PFKFB1: variants seen among roughly 807,000 people sequenced by gnomAD.
PFKFB1 encodes 6-phosphofructo-2-kinase/fructose-2,6-biphosphatase 1, also known as 6-phosphofructo-2-kinase/fructose-2,6-bisphosphatase 1.
Under a neutral mutation model 46.4 loss-of-function variants are expected in PFKFB1, and 34 were observed. The observed-to-expected ratio is 0.73, with a 90% CI of 0.56 to 0.98. The LOEUF is 0.98. PFKFB1 is among the 50% of genes least tolerant of loss of function. PFKFB1 has a pLI of 0.00. For missense variants in PFKFB1, 393 were observed against 376.3 expected (o/e 1.04, Z -0.37); for synonymous variants, 119 against 133.8 (o/e 0.89, Z 0.76).
intron 1 of PFKFB1, among the ~76,000 whole-genome samples, chrX:54,981,853 G>T (rs1309183576): frequency 1.8e-5 from 2 of 111,265 alleles, no homozygotes; most frequent in African/African-American, 3.3e-5. Context: ...ACCCATTAGA[G>T]AACTGAGGCC....
At chrX:54,976,729 G>T (rs187341319) in intron 1 of PFKFB1, among the ~76,000 whole-genome samples, 51 of 111,443 alleles carry the variant, frequency 4.6e-4, no homozygotes, top group Non-Finnish European at 7.8e-4. Flanking sequence ...CTAAAAACTG[G>T]AAACAACCAA....
intron 10 of PFKFB1, among the ~76,000 whole-genome samples, chrX:54,938,284 G>C (rs1483927931): frequency 1.8e-5 from 2 of 112,181 alleles, no homozygotes; most frequent in African/African-American, 6.5e-5. Flanking sequence ...GTGCAAACTA[G>C]AAAAAGTTCC....
chrX:54,971,188 G>GT (rs1227383967), intron 1 of PFKFB1, among the ~76,000 whole-genome samples: 2 of 56,421 alleles, frequency 3.5e-5, no homozygotes, highest in Non-Finnish European at 6.5e-5. Context: ...GGGGTTGTTT[G>GT]TTTTTTTCTT....
chrX:54,954,733 C>T (rs1228444903), intron 7 of PFKFB1, among the ~76,000 whole-genome samples: 1 of 111,744 alleles, frequency 8.9e-6, no homozygotes, highest in Non-Finnish European at 1.9e-5. Context: ...TTGTCTTCTC[C>T]AACTAACTGG....
rs758454147 is a variant in PFKFB1, at chrX:54,979,520, C to T, written c.97+14391G>A. ...ACACCTAAAAATAATGGATTTAAAACAAATAAAGCATGGCTGAGCTGGTGT... is the reference window on the plus strand; with the variant it reads ...ACACCTAAAAATAATGGATTTAAAATAAATAAAGCATGGCTGAGCTGGTGT... On this transcript the variant is annotated intron_variant, in intron 1 of 13. Coordinates refer to ENST00000375006, the MANE Select transcript of PFKFB1 (RefSeq NM_002625.4). Among the ~76,000 whole-genome samples the T allele has an allele frequency of 4.5e-5, 5 of 111,515 alleles. No homozygotes were observed. The South Asian group carries it at 1.8e-3, about 41-fold the overall frequency.
chrX:54,940,919 G>C (rs1041013765), intron 10 of PFKFB1, among the ~76,000 whole-genome samples: 2 of 111,184 alleles, frequency 1.8e-5, no homozygotes, highest in African/African-American at 6.6e-5. Context: ...ACCAAAAAAG[G>C]GCCCGCATCG....
chrX:54,975,110 C>T (rs915081600), intron 1 of PFKFB1, among the ~76,000 whole-genome samples: 1 of 111,242 alleles, frequency 9.0e-6, no homozygotes, highest in African/African-American at 3.3e-5. Flanking sequence ...TAGGTATCTA[C>T]CCAGAGGAAA....
At chrX:54,964,010 T>C (rs1402057173) in intron 1 of PFKFB1, among the ~76,000 whole-genome samples, 1 of 110,786 alleles carries the variant, frequency 9.0e-6, no homozygotes, top group Non-Finnish European at 1.9e-5. Context: ...ATGGCCAACA[T>C]CACTGAAACT....
chrX:54,969,351 C>T (rs939446039), intron 1 of PFKFB1, among the ~76,000 whole-genome samples: 2 of 111,637 alleles, frequency 1.8e-5, no homozygotes, highest in Non-Finnish European at 1.9e-5. Flanking sequence ...TGCACAGGCA[C>T]GCACATAAGC....
intron 7 of PFKFB1, 99 bp from the exon 8 acceptor site, chrX:54,952,211 T>C (rs1934006926): frequency 1.6e-6 from 1 of 607,802 alleles, no homozygotes; most frequent in Admixed American, 2.7e-5. Flanking sequence ...TTCAAACCTC[T>C]TCCACAACCC....
chrX:54,984,275 C>A (rs1333376110), intron 1 of PFKFB1, among the ~76,000 whole-genome samples: 1 of 111,674 alleles, frequency 9.0e-6, no homozygotes, highest in Admixed American at 9.5e-5. Context: ...TTGCAAATGT[C>A]ATGATTGTCT....
chrX:54,933,794 G>T lies in PFKFB1; in HGVS notation c.1356+27C>A, dbSNP rs761541906. The T allele has an allele frequency of 2.2e-5, 26 of 1,179,828 alleles. No homozygotes were observed. In the East Asian group the frequency reaches 7.7e-4, roughly 35 times the overall value. ...TCACCATGTGCTGTGTCCACAGCCAGCTTGGGCCATGGAGTCCCCCACCTA... is the reference window on the plus strand; with the variant it reads ...TCACCATGTGCTGTGTCCACAGCCATCTTGGGCCATGGAGTCCCCCACCTA... On this transcript the variant is annotated intron_variant, in intron 13 of 13. Coordinates refer to ENST00000375006, the MANE Select transcript of PFKFB1 (RefSeq NM_002625.4).
chrX:54,940,545 C>G (rs144360801), intron 10 of PFKFB1, among the ~76,000 whole-genome samples: 4,418 of 111,822 alleles, frequency 0.04, 233 homozygotes, highest in African/African-American at 0.14. Context: ...TCAGCAAAGT[C>G]TCAGGATACA....
chrX:54,967,191 A>G (rs947086261), intron 1 of PFKFB1, among the ~76,000 whole-genome samples: 6 of 112,436 alleles, frequency 5.3e-5, no homozygotes, highest in Non-Finnish European at 1.1e-4. Context: ...TACAAACTAC[A>G]ATTAATCAGC....
At chrX:54,962,509 C>T (rs1934344636) in intron 2 of PFKFB1, among the ~76,000 whole-genome samples, 1 of 111,927 alleles carries the variant, frequency 8.9e-6, no homozygotes. Context: ...GGAGTTTGGG[C>T]ACATGGTAAA....
At chrX:54,989,511 T>C (rs764500026) in intron 1 of PFKFB1, among the ~76,000 whole-genome samples, 2 of 111,929 alleles carry the variant, frequency 1.8e-5, no homozygotes, top group East Asian at 5.6e-4. Context: ...AAATTTTCCA[T>C]ATCAACAGGC....
At chrX:54,996,844 C>G (rs565322846), upstream of PFKFB1, among the ~76,000 whole-genome samples, 1 of 111,622 alleles carries the variant, frequency 9.0e-6, no homozygotes, top group Admixed American at 9.5e-5. Context: ...AAAATCTGAT[C>G]CACTTTTCAA....
At chrX:54,970,516 G>C (rs1272677475) in intron 1 of PFKFB1, among the ~76,000 whole-genome samples, 1 of 62,264 alleles carries the variant, frequency 1.6e-5, no homozygotes, top group Non-Finnish European at 2.7e-5. Flanking sequence ...GCCCCAGAGT[G>C]TGATGTTCCC....
intron 1 of PFKFB1, among the ~76,000 whole-genome samples, chrX:54,985,624 A>G (rs1189166633): frequency 9.0e-6 from 1 of 111,290 alleles, no homozygotes; most frequent in African/African-American, 3.3e-5. Context: ...AATAGAAAAT[A>G]ATAAATACAT....
Sources: allele counts gnomAD v4.1 joint callset (sites outside exome capture counted in the v4.1 genomes callset), GRCh38; gene constraint gnomAD v4.1.1; transcripts MANE v1.5; gene names NCBI Gene and HGNC (gene_info 2026-07-23, HGNC 2026-07-21).